Variants in EPC2 observed in about 807,000 individuals in gnomAD.
EPC2 encodes the protein enhancer of polycomb homolog 2.
EPC2 carries 14 observed loss-of-function variants against 92.1 expected under a neutral mutation model. That is an observed-to-expected ratio of 0.15 (90% CI 0.10 to 0.24). EPC2 has a LOEUF of 0.24. Ranked by LOEUF, EPC2 falls within the 10% of genes least tolerant of loss-of-function variation. EPC2 has a pLI of 1.00. For synonymous variants in EPC2, 340 were observed against 334.7 expected (o/e 1.02, Z -0.17); for missense variants, 755 against 971.5 (o/e 0.78, Z 2.96).
chr2:148,688,869 G>A lies in EPC2; in HGVS notation c.154-1345G>A, dbSNP rs531770518. 2.0e-5 allele frequency among the ~76,000 whole-genome samples: 3 copies of A among 152,250 alleles called. No individual in the cohort carries two copies. In the East Asian group the frequency reaches 5.8e-4, roughly 29 times the overall value. ...CCTCCTTGGAACTTACTTTATGCTA[G>A]GGGGAGAGGGGCAGTAAACAAATGA... On this transcript the variant is annotated intron_variant, in intron 1 of 13. Transcript: ENST00000258484.
chr2:148,668,942 A>G (rs1681104096), intron 1 of EPC2, among the ~76,000 whole-genome samples: 1 of 151,826 alleles, frequency 6.6e-6, no homozygotes, highest in Non-Finnish European at 1.5e-5. Context: ...TTGTTCTTCC[A>G]GGTTTTTAGG....
intron 7 of EPC2, among the ~76,000 whole-genome samples, chr2:148,766,494 C>T (rs1330951372): frequency 1.3e-5 from 2 of 152,144 alleles, no homozygotes; most frequent in African/African-American, 4.8e-5. Flanking sequence ...GTCAGAGGAT[C>T]ATCTAGTTTG....
intron 2 of EPC2, among the ~76,000 whole-genome samples, chr2:148,725,901 A>G (rs982326761): frequency 4.6e-5 from 7 of 152,178 alleles, no homozygotes. Context: ...ATTGTTGTAC[A>G]ACAGGTCTCT....
At chr2:148,783,223 G>C (rs1214520547) in intron 11 of EPC2, among the ~76,000 whole-genome samples, 2 of 152,190 alleles carry the variant, frequency 1.3e-5, no homozygotes, top group Non-Finnish European at 2.9e-5. Context: ...CTATTTCAGG[G>C]TTAGGCCAAG....
rs1683759252 is a variant in EPC2, at chr2:148,644,836, G to GC, written c.-181dup. ...CTAGTGTGTGGAGGCGGCCGCGGGC[G>GC]CGGGGGGCTGTTTTCGGGCGGGGTG... On this transcript the variant is annotated 5_prime_UTR_variant, in exon 1 of 14. Transcript: ENST00000258484. 2.5e-6 allele frequency: 1 copy of GC among 397,154 alleles called. No individual in the cohort carries two copies. The highest frequency in any genetic ancestry group is 4.0e-6 in the Non-Finnish European group (1 of 248,468). 24.6% of individuals were successfully genotyped at this position (397,154 alleles called of 1,614,324 possible). A position where few individuals can be genotyped will look rare whatever the true frequency, so the allele number is the denominator to read the frequency against.
chr2:148,645,233 C>T (rs1333627660), intron 1 of EPC2, 63 bp downstream of exon 1: 5 of 1,389,008 alleles, frequency 3.6e-6, no homozygotes, highest in Non-Finnish European at 3.9e-6. Context: ...GTCAGTCGGG[C>T]CTCGCCATTC....
intron 2 of EPC2, among the ~76,000 whole-genome samples, chr2:148,738,946 A>T (rs1425226543): frequency 6.6e-6 from 1 of 152,168 alleles, no homozygotes; most frequent in Non-Finnish European, 1.5e-5. Flanking sequence ...GTCTCCCCCT[A>T]ATAGGAGCAG....
At chr2:148,670,103 C>T (rs1681126045) in intron 1 of EPC2, among the ~76,000 whole-genome samples, 1 of 152,160 alleles carries the variant, frequency 6.6e-6, no homozygotes, top group South Asian at 2.1e-4. Flanking sequence ...TGTCTCAACT[C>T]ATGAAGTCTA....
At chr2:148,784,048 T>C (rs1175312546) in intron 12 of EPC2, among the ~76,000 whole-genome samples, 1 of 152,224 alleles carries the variant, frequency 6.6e-6, no homozygotes, top group African/African-American at 2.4e-5. Context: ...TCTGTTGAGC[T>C]AACCATCCCC....
intron 2 of EPC2, among the ~76,000 whole-genome samples, chr2:148,733,010 C>G (rs923673218): frequency 2.3e-5 from 3 of 131,830 alleles, no homozygotes; most frequent in African/African-American, 8.6e-5. Flanking sequence ...GACCCAGACA[C>G]AAATTACTGG....
At chr2:148,739,726 T>C (rs1007538660) in intron 2 of EPC2, among the ~76,000 whole-genome samples, 1 of 152,076 alleles carries the variant, frequency 6.6e-6, no homozygotes, top group African/African-American at 2.4e-5. Context: ...GCAAGGAACT[T>C]CTCATCTACT....
intron 7 of EPC2, 147 bp from the exon 8 acceptor site, chr2:148,769,004 T>C: frequency 5.0e-6 from 3 of 596,500 alleles, no homozygotes; most frequent in Non-Finnish European, 8.9e-6. Context: ...TTTTTGCTAG[T>C]CATTGAATGT....
chr2:148,708,220 A>G (rs1682050832), intron 2 of EPC2, among the ~76,000 whole-genome samples: 1 of 152,236 alleles, frequency 6.6e-6, no homozygotes, highest in Non-Finnish European at 1.5e-5. Context: ...AAACCCCTCT[A>G]CACAAATAAA....
At chr2:148,737,744 A>G (rs565193095) in intron 2 of EPC2, among the ~76,000 whole-genome samples, 93 of 152,228 alleles carry the variant, frequency 6.1e-4, no homozygotes, top group Non-Finnish European at 1.2e-3. Context: ...CCTGGGCCAC[A>G]TTGGAAGAAG....
chr2:148,737,500 A>G (rs769231908), intron 2 of EPC2, among the ~76,000 whole-genome samples: 9 of 152,020 alleles, frequency 5.9e-5, no homozygotes, highest in South Asian at 2.1e-4. Context: ...GGAAGATTCC[A>G]TGGTTCCATT....
chr2:148,711,023 A>G (rs1682131140), intron 2 of EPC2, among the ~76,000 whole-genome samples: 1 of 151,920 alleles, frequency 6.6e-6, no homozygotes, highest in Middle Eastern at 3.4e-3. Flanking sequence ...TATTGATTTT[A>G]TTGATCTTTT....
Position 148,707,910 on chromosome 2 carries a change from T to C in EPC2, c.313+17537T>C, listed in dbSNP as rs1028076299. Reference sequence around the variant, plus strand: ...AGAGAAAGCAGGAAAGATCTAAAATTGACACCCTAACATCACAATTAAAAG... The same window carrying C: ...AGAGAAAGCAGGAAAGATCTAAAATCGACACCCTAACATCACAATTAAAAG... On this transcript the variant is annotated intron_variant, in intron 2 of 13. Transcript: ENST00000258484. Among the ~76,000 whole-genome samples, 17 of 152,232 alleles carry C rather than the reference T, an allele frequency of 1.1e-4. No individual in the cohort carries two copies. In the South Asian group the frequency reaches 3.3e-3, roughly 30 times the overall value.
intron 2 of EPC2, among the ~76,000 whole-genome samples, chr2:148,727,299 A>G (rs1229982252): frequency 6.6e-6 from 1 of 152,060 alleles, no homozygotes. Flanking sequence ...GTCTGTCTTT[A>G]TGCCAATTCC....
intron 3 of EPC2, among the ~76,000 whole-genome samples, chr2:148,744,566 A>G (rs529252426): frequency 6.6e-6 from 1 of 152,262 alleles, no homozygotes; most frequent in Non-Finnish European, 1.5e-5. Context: ...AATCATTTAT[A>G]TTTATACATG....
Sources: allele counts gnomAD v4.1 joint callset (sites outside exome capture counted in the v4.1 genomes callset), GRCh38; gene constraint gnomAD v4.1.1; transcripts MANE v1.5; gene names NCBI Gene and HGNC (gene_info 2026-07-23, HGNC 2026-07-21).